Variants in CCDC148 observed in about 807,000 individuals in gnomAD.
The protein encoded by CCDC148 is coiled-coil domain-containing protein 148.
A neutral mutation model predicts 85.7 loss-of-function variants in CCDC148; 89 were observed. That is an observed-to-expected ratio of 1.04 (90% CI 0.87 to 1.24). The LOEUF (loss-of-function observed/expected upper bound fraction) is 1.24. Among genes scored for constraint, CCDC148 ranks in the 50% most tolerant of loss-of-function variants. The probability of loss-of-function intolerance (pLI) is 0.00; values close to 1 mark genes in which losing one functional copy is unlikely to be tolerated. For synonymous variants in CCDC148, 230 were observed against 213.9 expected (o/e 1.08, Z -0.66); for missense variants, 692 against 671.7 (o/e 1.03, Z -0.33).
chr2:158,205,045 C>G (rs1686167326), intron 11 of CCDC148, among the ~76,000 whole-genome samples: 1 of 152,026 alleles, frequency 6.6e-6, no homozygotes, highest in Non-Finnish European at 1.5e-5. Flanking sequence ...TGAACTTTAC[C>G]CAAAGTGTGA....
intron 7 of CCDC148, among the ~76,000 whole-genome samples, chr2:158,329,462 CT>C (rs1692976361): frequency 6.6e-6 from 1 of 152,006 alleles, no homozygotes; most frequent in Non-Finnish European, 1.5e-5. Flanking sequence ...CAGCTTTGTT[CT>C]TTTGGCTTAG....
intron 1 of CCDC148, among the ~76,000 whole-genome samples, chr2:158,397,405 G>C (rs1030112151): frequency 6.6e-6 from 1 of 152,136 alleles, no homozygotes; most frequent in Non-Finnish European, 1.5e-5. Flanking sequence ...ACAAAGGGAA[G>C]CCTATCAGAC....
At chr2:158,281,443 A>G (rs916216780) in intron 9 of CCDC148, among the ~76,000 whole-genome samples, 2 of 152,084 alleles carry the variant, frequency 1.3e-5, no homozygotes, top group African/African-American at 2.4e-5. Flanking sequence ...GATAAAGGGG[A>G]TATCACCACC....
intron 11 of CCDC148, among the ~76,000 whole-genome samples, chr2:158,202,138 G>A (rs1428199150): frequency 2.6e-5 from 4 of 152,098 alleles, no homozygotes; most frequent in Non-Finnish European, 5.9e-5. Flanking sequence ...AAAATTTAGA[G>A]AAAAAGGTGG....
chr2:158,447,597 C>T (rs1254837409), intron 1 of CCDC148: 1 of 152,096 alleles, frequency 6.6e-6, no homozygotes, highest in Admixed American at 6.5e-5. Context: ...GGTTTATAAC[C>T]ATTTTACTGG....
rs377228320 is a variant in CCDC148, at chr2:158,406,635, T to TGTTTTTGTTTTTGTTTTTG, written c.26-48066_26-48065insCAAAAACAAAAACAAAAAC. 6.6e-3 allele frequency among the ~76,000 whole-genome samples: 829 copies of TGTTTTTGTTTTTGTTTTTG among 126,048 alleles called. 36 individuals carry two copies. The highest frequency in any genetic ancestry group is 0.02 in the African/African-American group (711 of 36,192). 82.7% of individuals were successfully genotyped at this position (126,048 alleles called of 152,430 possible). On this transcript the variant is annotated intron_variant, in intron 1 of 13. Transcript: ENST00000283233. ...TTTCTTTTTTTTTTTTTTTTTTTTT[T>TGTTTTTGTTTTTGTTTTTG]TTTTTGAGACAGTGTCTCCCTCCAT...
intron 9 of CCDC148, among the ~76,000 whole-genome samples, chr2:158,302,057 G>A (rs373064398): frequency 3.3e-5 from 5 of 152,124 alleles, no homozygotes; most frequent in Admixed American, 1.3e-4. Context: ...AAAGAAAGGC[G>A]ATAACCACTA....
At chr2:158,340,148 T>G (rs911554818) in intron 5 of CCDC148, 94 bp downstream of exon 5, 1 of 1,011,530 alleles carries the variant, frequency 9.9e-7, no homozygotes, top group East Asian at 2.5e-5. Flanking sequence ...TTAACTAATA[T>G]ACAGGTCACA....
intron 9 of CCDC148, among the ~76,000 whole-genome samples, chr2:158,289,463 A>G (rs927176420): frequency 1.2e-4 from 19 of 152,244 alleles, no homozygotes; most frequent in Non-Finnish European, 2.8e-4. Context: ...GATAGCCATT[A>G]AACATGCTGA....
intron 9 of CCDC148, among the ~76,000 whole-genome samples, chr2:158,305,340 A>G (rs1691633929): frequency 6.6e-6 from 1 of 152,344 alleles, no homozygotes; most frequent in Admixed American, 6.5e-5. Context: ...CTTAGCCCCA[A>G]GACCCAGGGA....
Position 158,294,973 on chromosome 2 carries a change from T to C in CCDC148, c.1110+14460A>G, listed in dbSNP as rs191853144. ...TAGACTTTCTGATAGGTAATACTAA[T>C]AGCCCCCTGTGGTTTTAACCTGTAT... On this transcript the variant is annotated intron_variant, in intron 9 of 13. Coordinates refer to ENST00000283233, the MANE Select transcript of CCDC148 (RefSeq NM_138803.4). Among the ~76,000 whole-genome samples, 181 of 152,280 alleles carry C rather than the reference T, an allele frequency of 1.2e-3. 3 individuals are homozygous for C. Among genetic ancestry groups the C allele is most frequent in the East Asian group, 1.4e-3 (7 of 5,168 alleles).
At chr2:158,176,710 T>C (rs1301008735) in intron 12 of CCDC148, 49 bp from the exon 13 acceptor site, 2 of 1,600,962 alleles carry the variant, frequency 1.2e-6, no homozygotes, top group East Asian at 2.3e-5. Flanking sequence ...AAACTAAATA[T>C]TTCTGGGCAA....
At chr2:158,356,638 G>T (rs1683653818) in intron 2 of CCDC148, among the ~76,000 whole-genome samples, 1 of 147,806 alleles carries the variant, frequency 6.8e-6, no homozygotes, top group African/African-American at 2.5e-5. Context: ...TGGTGGGACT[G>T]TAAACTAGTT....
chr2:158,359,789 A>G (rs1003139119), intron 1 of CCDC148, among the ~76,000 whole-genome samples: 5 of 152,104 alleles, frequency 3.3e-5, no homozygotes, highest in Non-Finnish European at 5.9e-5. Flanking sequence ...AGTTTTTTTC[A>G]TACCCTAGTG....
chr2:158,290,093 T>C (rs951316765), intron 9 of CCDC148, among the ~76,000 whole-genome samples: 5 of 152,096 alleles, frequency 3.3e-5, no homozygotes, highest in African/African-American at 9.7e-5. Context: ...TAGAGCATAG[T>C]AGAGGTGGAC....
intron 1 of CCDC148, among the ~76,000 whole-genome samples, chr2:158,390,082 C>A (rs1439259487): frequency 6.6e-6 from 1 of 152,068 alleles, no homozygotes; most frequent in East Asian, 1.9e-4. Flanking sequence ...GAACTTCTAC[C>A]CTATATGCTG....
intron 11 of CCDC148, among the ~76,000 whole-genome samples, chr2:158,201,764 T>C (rs1343281897): frequency 1.3e-5 from 2 of 152,176 alleles, no homozygotes; most frequent in Non-Finnish European, 2.9e-5. Context: ...ATGGTTATAT[T>C]ATCTTACTTG....
At chr2:158,354,369 G>C (rs1346277573) in intron 2 of CCDC148, among the ~76,000 whole-genome samples, 3 of 152,028 alleles carry the variant, frequency 2.0e-5, no homozygotes, top group Non-Finnish European at 2.9e-5. Context: ...GAATCTAATA[G>C]ACACAATAAA....
At chr2:158,240,563 G>T (rs1688313946) in intron 10 of CCDC148, among the ~76,000 whole-genome samples, 1 of 151,474 alleles carries the variant, frequency 6.6e-6, no homozygotes, top group African/African-American at 2.4e-5. Context: ...AAAGGACCTG[G>T]AAGAAATGGA....
Sources: gnomAD v4.1 joint callset for allele counts (sites outside exome capture counted in the v4.1 genomes callset) on GRCh38, gnomAD v4.1.1 for gene constraint, MANE v1.5 for transcripts, NCBI Gene and HGNC (gene_info 2026-07-23, HGNC 2026-07-21) for gene names.